CMYA5: variants seen among roughly 807,000 people sequenced by gnomAD.
CMYA5 encodes the protein cardiomyopathy associated 5.
Under a neutral mutation model 318.9 loss-of-function variants are expected in CMYA5, and 246 were observed. The observed-to-expected ratio is 0.77, with a 90% CI of 0.70 to 0.86. CMYA5 has a LOEUF of 0.86. CMYA5 is among the 40% of genes least tolerant of loss of function. The pLI, the probability that CMYA5 is intolerant of heterozygous loss-of-function variation, is 0.00. For missense variants in CMYA5, 4,589 were observed against 4,678.2 expected, an observed-to-expected ratio of 0.98 and a Z score of 0.56; for synonymous variants, 1,641 against 1,729.5, an observed-to-expected ratio of 0.95 and a Z score of 1.27.
At chr5:79,691,108 G>C (rs1322638371) in intron 1 of CMYA5, among the ~76,000 whole-genome samples, 2 of 152,218 alleles carry the variant, frequency 1.3e-5, no homozygotes, top group African/African-American at 4.8e-5. Context: ...AACATGGGGA[G>C]TGTGAGACTA....
rs1169933898 is a variant in CMYA5, at chr5:79,733,774, A to G, written c.5009A>G (p.Glu1670Gly). The G allele has an allele frequency of 6.2e-7, 1 of 1,613,116 alleles. No homozygotes were observed. The highest frequency in any genetic ancestry group is 1.3e-5 in the African/African-American group (1 of 74,826). ...ACTGAAACAGAGGATTCTGTTTTAG[A>G]AAAAGGCCCAGCTGAGCTTAGGAGC... ...PITETEDSVL[E>G]KGPAELRSRE... The change falls in exon 2 of 13, where the codon GAA becomes GGA. Residue 1670 changes from glutamate (E) to glycine (G), a missense_variant. By Grantham distance (98) the Glu-to-Gly change is moderately conservative. Coordinates refer to ENST00000446378, the MANE Select transcript of CMYA5 (RefSeq NM_153610.5).
intron 1 of CMYA5, among the ~76,000 whole-genome samples, chr5:79,725,226 A>G (rs945293154): frequency 1.3e-5 from 2 of 152,224 alleles, no homozygotes; most frequent in African/African-American, 2.4e-5. Flanking sequence ...GTGCCCATCA[A>G]CGGTGGATTG....
chr5:79,797,157 G>T (rs1410389938), intron 12 of CMYA5, among the ~76,000 whole-genome samples: 1 of 152,098 alleles, frequency 6.6e-6, no homozygotes, highest in African/African-American at 2.4e-5. Context: ...CTTGCCCTTT[G>T]GTTCTTCTCT....
intron 1 of CMYA5, among the ~76,000 whole-genome samples, chr5:79,692,481 A>G (rs985670563): frequency 8.5e-5 from 13 of 152,176 alleles, no homozygotes; most frequent in African/African-American, 2.9e-4. Flanking sequence ...ATTTACATAC[A>G]CCAACATGGA....
At chr5:79,723,206 C>T (rs1370214250) in intron 1 of CMYA5, among the ~76,000 whole-genome samples, 1 of 151,912 alleles carries the variant, frequency 6.6e-6, no homozygotes. Context: ...TTTGAGAGGC[C>T]GAGGTGGGTG....
chr5:79,793,308 TA>T (rs1479358936), intron 11 of CMYA5, 128 bp from the exon 12 acceptor site: 2 of 821,582 alleles, frequency 2.4e-6, no homozygotes, highest in Non-Finnish European at 3.9e-6. Context: ...AGAGTATCTT[TA>T]GTTAAATTCC....
At position 79,733,746 on chromosome 5, in the gene CMYA5, A is replaced by G. The variant is rs750139375; in HGVS notation, c.4981A>G (p.Ile1661Val). ...SIGTKQAKSP[I>V]TETEDSVLEK... ...AGGTACAAAACAAGCAAAGTCTCCCATAACTGAAACAGAGGATTCTGTTTT... is the reference window on the plus strand; with the variant it reads ...AGGTACAAAACAAGCAAAGTCTCCCGTAACTGAAACAGAGGATTCTGTTTT... The change falls in exon 2 of 13, where the codon ATA becomes GTA. Residue 1661 changes from isoleucine (I) to valine (V), a missense_variant. This residue lies in a region of CMYA5 where 2,132 missense variants were observed against 2,131.3 expected (regional missense o/e 1.00). Transcript: ENST00000446378. 5 of 1,613,732 alleles carry G rather than the reference A, an allele frequency of 3.1e-6. No individual in the cohort carries two copies. The South Asian group carries it at 3.3e-5, about 11-fold the overall frequency.
intron 1 of CMYA5, among the ~76,000 whole-genome samples, chr5:79,714,815 T>C (rs1040969525): frequency 2.0e-5 from 3 of 152,190 alleles, no homozygotes; most frequent in African/African-American, 2.4e-5. Context: ...TTTAGGTATA[T>C]CTCTATGCTA....
intron 6 of CMYA5, among the ~76,000 whole-genome samples, chr5:79,758,442 G>A (rs1828573718): frequency 6.6e-6 from 1 of 151,808 alleles, no homozygotes; most frequent in Admixed American, 6.6e-5. Context: ...TGAGGCAGAA[G>A]AATCGCTTGA....
chr5:79,706,823 G>A (rs1470695999), intron 1 of CMYA5, among the ~76,000 whole-genome samples: 1 of 151,924 alleles, frequency 6.6e-6, no homozygotes, highest in Non-Finnish European at 1.5e-5. Flanking sequence ...ACAATAATCA[G>A]GAGCATTTCA....
rs942217986 is a variant in CMYA5 at position 79,737,795 on chromosome 5, T to C, written c.9030T>C (p.Asp3010=). 1.9e-6 allele frequency: 3 copies of C among 1,610,282 alleles called. No individual in the cohort carries two copies. The highest frequency in any genetic ancestry group is 1.3e-5 in the African/African-American group (1 of 74,662). Residue 3010 remains aspartate (D), a synonymous_variant, in exon 2 of 13, where the codon GAT becomes GAC. Coordinates refer to ENST00000446378, the MANE Select transcript of CMYA5 (RefSeq NM_153610.5). The part of the protein sequence containing the change: ...CHKTLKSRLE[D]EKVTPLKENK... ...AAACATTAAAGAGCAGGTTAGAAGA[T>C]GAAAAAGTTACCCCATTGAAAGAAA...
Position 79,774,828 on chromosome 5 carries a change from A to G in CMYA5, c.11555+11619A>G, listed in dbSNP as rs573750301. Among the ~76,000 whole-genome samples, 161 of 152,330 alleles carry G rather than the reference A, an allele frequency of 1.1e-3. 1 individual carries two copies. The South Asian group carries it at 0.032, about 30-fold the overall frequency. ...GGACACCCACTGCTCTGTCTGTAGA[A>G]TAAGGACAAATAAGGGTAAGTTTCC... On this transcript the variant is annotated intron_variant, in intron 9 of 12. Coordinates refer to ENST00000446378, the MANE Select transcript of CMYA5 (RefSeq NM_153610.5).
chr5:79,788,649 G>A (rs1247299305), intron 9 of CMYA5, among the ~76,000 whole-genome samples: 1 of 152,010 alleles, frequency 6.6e-6, no homozygotes, highest in Non-Finnish European at 1.5e-5. Flanking sequence ...AGTGCCCTCT[G>A]GCCAGAAATT....
chr5:79,745,523 A>T, intron 4 of CMYA5, 68 bp downstream of exon 4: 1 of 915,190 alleles, frequency 1.1e-6, no homozygotes, highest in East Asian at 2.4e-5. Flanking sequence ...TTAAAGCTTC[A>T]TTTTTCACTA....
In CMYA5 at chr5:79,738,715, T is replaced by C. The variant is rs760547027; in HGVS notation, c.9950T>C (p.Val3317Ala). 4 of 1,613,866 alleles carry C rather than the reference T, an allele frequency of 2.5e-6. No individual in the cohort carries two copies. The highest frequency in any genetic ancestry group is 1.3e-5 in the African/African-American group (1 of 75,008). Residue 3317 changes from valine (V) to alanine (A), a missense_variant, in exon 2 of 13, where the codon GTA becomes GCA. By Grantham distance (64) the Val-to-Ala change is moderately conservative. Coordinates refer to ENST00000446378, the MANE Select transcript of CMYA5 (RefSeq NM_153610.5). ...GACCATGTGGAGACCGTTGGTAACG[T>C]AGCGATGCAGAAGAAAGCTCCCATC... ...SVDHVETVGN[V>A]AMQKKAPITE... is the part of the protein sequence containing the mutation.
Position 79,733,514 on chromosome 5 carries a change from A to G in CMYA5, c.4749A>G (p.Thr1583=), listed in dbSNP as rs763173640. The change falls in exon 2 of 13, where the codon ACA becomes ACG. Residue 1583 remains threonine, a synonymous_variant. Transcript: ENST00000446378. ...ATTTAGCATCAGGTTTAGCCCCAAC[A>G]TTACTGCTCCTCAGTGATGATAAGA... ...LENLASGLAP[T]LLLLSDDKNK... 8 of 1,613,860 alleles carry G rather than the reference A, an allele frequency of 5.0e-6. No individual in the cohort carries two copies. The East Asian group carries it at 1.1e-4, about 22-fold the overall frequency.
intron 1 of CMYA5, among the ~76,000 whole-genome samples, chr5:79,714,370 C>T (rs1283029024): frequency 3.3e-5 from 5 of 151,908 alleles, no homozygotes; most frequent in Non-Finnish European, 7.4e-5. Context: ...GCATGCCCCA[C>T]TCTATCCCAA....
chr5:79,756,717 C>A (rs1306724794), intron 6 of CMYA5, among the ~76,000 whole-genome samples: 1 of 152,032 alleles, frequency 6.6e-6, no homozygotes, highest in Non-Finnish European at 1.5e-5. Flanking sequence ...TTCTTTAGAC[C>A]CATTTGTGTT....
rs1561221872 is a variant in CMYA5 at position 79,758,761 on chromosome 5, C to T, written c.11119C>T (p.Pro3707Ser). Residue 3707 changes from proline to serine, a missense_variant, in exon 7 of 13, where the codon CCT becomes TCT. By Grantham distance (74) the Pro-to-Ser change is moderately conservative. Transcript: ENST00000446378. ...QMLKQVAVPQ[P>S]PRLEPQEPNS... ...ACTTGTTTATATTCCAGTTCCACAG[C>T]CTCCTAGATTAGAACCTCAGGAACC... The T allele has an allele frequency of 1.3e-6, 2 of 1,595,772 alleles. No individual in the cohort carries two copies.
Sources: allele counts gnomAD v4.1 joint callset (sites outside exome capture counted in the v4.1 genomes callset), GRCh38; gene constraint gnomAD v4.1.1; regional missense constraint gnomAD v4.1.1; transcripts MANE v1.5; gene names NCBI Gene and HGNC (gene_info 2026-07-23, HGNC 2026-07-21).